Variants in RER1 observed in about 807,000 individuals in gnomAD.
RER1 encodes retention in endoplasmic reticulum sorting receptor 1, also known as protein RER1.
RER1 carries 6 observed loss-of-function variants against 28.3 expected under a neutral mutation model. The observed-to-expected ratio is 0.21, with a 90% confidence interval of 0.12 to 0.42. RER1 has a LOEUF of 0.42. Ranked by LOEUF, RER1 falls within the 10% of genes least tolerant of loss-of-function variation. The probability of loss-of-function intolerance (pLI) is 1.00; values close to 1 mark genes in which losing one functional copy is unlikely to be tolerated. For missense variants in RER1, 159 were observed against 252.9 expected, an observed-to-expected ratio of 0.63 and a Z score of 2.52; for synonymous variants, 110 against 95.9, an observed-to-expected ratio of 1.15 and a Z score of -0.86.
At chr1:2,401,266 A>T (rs991561958) in intron 5 of RER1, among the ~76,000 whole-genome samples, 111 of 14,062 alleles carry the variant, frequency 7.9e-3, no homozygotes, top group East Asian at 0.017. Flanking sequence ...TCCCTCCTCC[A>T]CCCTCCCTCC....
chr1:2,395,741 G>C, intron 1 of RER1, 43 bp from the exon 2 acceptor site: 1 of 1,408,222 alleles, frequency 7.1e-7, no homozygotes, highest in Non-Finnish European at 1.0e-6. Context: ...TTTCACACCC[G>C]TGAATGCTTT....
At chr1:2,400,035 C>T (rs749322838) in intron 4 of RER1, among the ~76,000 whole-genome samples, 23 of 152,214 alleles carry the variant, frequency 1.5e-4, no homozygotes, top group Admixed American at 5.2e-4. Context: ...CCTGGTGCTT[C>T]GTGCTCCACT....
In RER1 at chr1:2,402,333, G is replaced by A; in HGVS notation, c.492G>A (p.Arg164=). 1 of 1,614,210 alleles carries A rather than the reference G, an allele frequency of 6.2e-7. No individual in the cohort carries two copies. The change falls in exon 6 of 7, where the codon AGG becomes AGA. Residue 164 remains arginine, a synonymous_variant. Coordinates refer to ENST00000605895, the MANE Select transcript of RER1 (RefSeq NM_007033.5). ...FIMLFCITMK[R]QIKHMIKYRY... ...TGCTCTTCTGTATCACGATGAAGAG[G>A]CAAATCAAGGTAAAGCAGAGGCGCT... is the stretch of plus-strand genomic sequence containing the variant.
At chr1:2,392,845 G>A (rs758716978) in intron 1 of RER1, among the ~76,000 whole-genome samples, 11 of 152,218 alleles carry the variant, frequency 7.2e-5, no homozygotes, top group Non-Finnish European at 1.2e-4. Flanking sequence ...GCCCAGAGGA[G>A]CGGGGAGCCC....
At chr1:2,395,998 C>T (rs1642762712) in intron 2 of RER1, 127 bp downstream of exon 2, 5 of 750,508 alleles carry the variant, frequency 6.7e-6, no homozygotes, top group Non-Finnish European at 7.1e-6. Context: ...GCTCAAACTT[C>T]CTGAAGACAG....
chr1:2,397,719 G>A (rs2172901), intron 3 of RER1, among the ~76,000 whole-genome samples: 7,668 of 152,250 alleles, frequency 0.05, 443 homozygotes, highest in African/African-American at 0.14. Context: ...GACCGAAGGG[G>A]GTCTTGAGGG....
At chr1:2,402,492 G>A (rs1188701688) in intron 6 of RER1, 150 bp downstream of exon 6, 2 of 1,001,104 alleles carry the variant, frequency 2.0e-6, no homozygotes, top group Non-Finnish European at 2.9e-6. Context: ...GTGTGACGAG[G>A]ACACTGCTCC....
At position 2,403,241 on chromosome 1, in the gene RER1, A is replaced by G; in HGVS notation, c.*117A>G. The G allele has an allele frequency of 1.4e-6, 1 of 718,104 alleles. No homozygotes were observed. Among genetic ancestry groups the G allele is most frequent in the Non-Finnish European group, 2.4e-6 (1 of 411,546 alleles). The allele number at this position is 718,104 out of a possible 1,614,324, so 44.5% of individuals were successfully genotyped here. A position where few individuals can be genotyped will look rare whatever the true frequency, so the allele number is the denominator to read the frequency against. On this transcript the variant is annotated 3_prime_UTR_variant, in exon 7 of 7. Transcript: ENST00000605895. ...GAGGGAGTCAAATTTTCTTTTTAAA[A>G]AGGAGCTTCAATGATTTGTAACTGA...
chr1:2,392,637 A>G (rs1031704059), intron 1 of RER1, among the ~76,000 whole-genome samples: 9 of 152,160 alleles, frequency 5.9e-5, no homozygotes, highest in Non-Finnish European at 1.3e-4. Flanking sequence ...CTTTATGAAG[A>G]GTAGAGACTG....
intron 2 of RER1, 60 bp from the exon 3 acceptor site, chr1:2,397,056 G>T: frequency 9.2e-7 from 1 of 1,084,034 alleles, no homozygotes. Flanking sequence ...ACATTTTGTG[G>T]CAGGGTCAGT....
At position 2,395,786 on chromosome 1, in the gene RER1, A is replaced by G; in HGVS notation, c.-5A>G. ...AGTATTTTGTGTTTTTCTCCCAGTTACAGAATGTCTGAAGGGGACAGTGTG... is the reference window on the plus strand; with the variant it reads ...AGTATTTTGTGTTTTTCTCCCAGTTGCAGAATGTCTGAAGGGGACAGTGTG... On this transcript the variant is annotated splice_region_variant and 5_prime_UTR_variant, in exon 2 of 7. Transcript: ENST00000605895. 1 of 1,610,852 alleles carries G rather than the reference A, an allele frequency of 6.2e-7. No homozygotes were observed. Among genetic ancestry groups the G allele is most frequent in the Non-Finnish European group, 8.5e-7 (1 of 1,176,956 alleles).
At chr1:2,401,840 A>C in intron 5 of RER1, 1 of 575,476 alleles carries the variant, frequency 1.7e-6, no homozygotes. Flanking sequence ...TGGCCATGCC[A>C]CAGTGACAAG....
At chr1:2,395,646 A>G (rs561866241) in intron 1 of RER1, 138 bp from the exon 2 acceptor site, 71 of 682,730 alleles carry the variant, frequency 1.0e-4, no homozygotes, top group Non-Finnish European at 1.7e-4. Flanking sequence ...CGAACAATTC[A>G]TGGTAAAAAC....
intron 6 of RER1, 108 bp from the exon 7 acceptor site, chr1:2,402,927 G>A: frequency 4.6e-6 from 4 of 865,444 alleles, no homozygotes; most frequent in Non-Finnish European, 7.5e-6. Flanking sequence ...GATTCCACTT[G>A]TCTGATGTAT....
Position 2,403,890 on chromosome 1 carries a change from C to A in RER1, c.*766C>A, listed in dbSNP as rs1642914095. On this transcript the variant is annotated 3_prime_UTR_variant, in exon 7 of 7. Coordinates refer to ENST00000605895, the MANE Select transcript of RER1 (RefSeq NM_007033.5). ...CTGGCTTTGTAGGTTCAGCACTCGG[C>A]CCCCCACTGCGGGAGAGGCGGAACC... 1 of 152,390 alleles carries A rather than the reference C, an allele frequency of 6.6e-6. No homozygotes were observed. The highest frequency in any genetic ancestry group is 1.5e-5 in the Non-Finnish European group (1 of 68,034). 9.4% of individuals were successfully genotyped at this position (152,390 alleles called of 1,614,324 possible). A position where few individuals can be genotyped will look rare whatever the true frequency, so the allele number is the denominator to read the frequency against.
At chr1:2,401,360 C>CCTCCTCCTCCCTCCTTCCTCCTCCCTCCT in intron 5 of RER1, among the ~76,000 whole-genome samples, 1 of 22,308 alleles carries the variant, frequency 4.5e-5, no homozygotes, top group East Asian at 1.1e-3. Context: ...TTCCTCCCTC[C>CCTCCTCCTCCCTCCTTCCTCCTCCCTCCT]TCCTCCCTCC....
chr1:2,402,487 A>T, intron 6 of RER1, 145 bp downstream of exon 6: 1 of 1,056,010 alleles, frequency 9.5e-7, no homozygotes, highest in South Asian at 1.5e-5. Context: ...CTTGTGTGTG[A>T]CGAGGACACT....
chr1:2,402,303 C>T lies in RER1; in HGVS notation c.462C>T (p.Phe154=), dbSNP rs773940782. The T allele has an allele frequency of 1.2e-6, 2 of 1,614,248 alleles. No homozygotes were observed. Among genetic ancestry groups the T allele is most frequent in the Non-Finnish European group, 1.7e-6 (2 of 1,180,044 alleles). ...PVFWPILVMY[F]IMLFCITMKR... ...TCTGGCCGATTCTGGTGATGTACTTCATCATGCTCTTCTGTATCACGATGA... is the reference window on the plus strand; with the variant it reads ...TCTGGCCGATTCTGGTGATGTACTTTATCATGCTCTTCTGTATCACGATGA... Residue 154 remains phenylalanine, a synonymous_variant, in exon 6 of 7, where the codon TTC becomes TTT. Transcript: ENST00000605895.
chr1:2,397,946 A>AG (rs1446236122), intron 3 of RER1, among the ~76,000 whole-genome samples: 3 of 152,202 alleles, frequency 2.0e-5, no homozygotes, highest in Non-Finnish European at 4.4e-5. Context: ...TGGGGACTGT[A>AG]GAAGATACTT....
Sources: allele counts gnomAD v4.1 joint callset (sites outside exome capture counted in the v4.1 genomes callset), GRCh38; gene constraint gnomAD v4.1.1; transcripts MANE v1.5; gene names NCBI Gene and HGNC (gene_info 2026-07-23, HGNC 2026-07-21).